Variants in ACER3 observed in about 807,000 individuals in gnomAD.
ACER3 encodes the protein alkaline ceramidase 3, also known as alkCDase 3.
A neutral mutation model predicts 48.9 loss-of-function variants in ACER3; 16 were observed. That is an observed-to-expected ratio of 0.33 (90% CI 0.22 to 0.50). The LOEUF (loss-of-function observed/expected upper bound fraction) is 0.50, where lower values mean the gene tolerates loss of function less well. Among genes scored for constraint, ACER3 ranks in the 20% least tolerant of loss-of-function variants. The pLI, the probability that ACER3 is intolerant of heterozygous loss-of-function variation, is 0.98. For missense variants in ACER3, 227 were observed against 326.0 expected, an observed-to-expected ratio of 0.70 and a Z score of 2.34; for synonymous variants, 109 against 107.8, an observed-to-expected ratio of 1.01 and a Z score of -0.07.
chr11:77,020,321 G>A lies in ACER3; in HGVS notation c.798G>A (p.Lys266=), dbSNP rs570075318. 11 of 1,613,402 alleles carry A rather than the reference G, an allele frequency of 6.8e-6. No individual in the cohort carries two copies. The South Asian group carries it at 9.9e-5, about 14-fold the overall frequency. ...WPVILFEPLR[K]H ...TGATCCTGTTTGAGCCTCTCAGGAA[G>A]CATTGATGAATCATTCCACCAAGAA... Residue 266 remains lysine, a synonymous_variant, in exon 11 of 11, where the codon AAG becomes AAA. Transcript: ENST00000532485.
intron 3 of ACER3, among the ~76,000 whole-genome samples, chr11:76,961,551 GA>G (rs140205342): frequency 5.8e-4 from 72 of 123,792 alleles, no homozygotes; most frequent in Admixed American, 6.6e-4. Flanking sequence ...GGCTGGGGCA[GA>G]AAAAAAAAAA....
intron 2 of ACER3, among the ~76,000 whole-genome samples, chr11:76,950,983 T>G (rs1412089425): frequency 6.6e-6 from 1 of 152,228 alleles, no homozygotes; most frequent in East Asian, 1.9e-4. Context: ...ATGTGCCTTA[T>G]ACTTGCACTT....
chr11:76,968,904 C>T (rs1948217492), intron 3 of ACER3, among the ~76,000 whole-genome samples: 1 of 152,202 alleles, frequency 6.6e-6, no homozygotes, highest in Admixed American at 6.5e-5. Flanking sequence ...ATGTCTAAAA[C>T]ACCAAAAGCA....
At chr11:76,931,088 G>A (rs1331242618) in intron 2 of ACER3, among the ~76,000 whole-genome samples, 2 of 141,700 alleles carry the variant, frequency 1.4e-5, no homozygotes, top group Non-Finnish European at 1.5e-5. Flanking sequence ...CATTATTATT[G>A]TGTGGGAGTC....
chr11:76,871,636 T>C (rs1945243078), intron 1 of ACER3, among the ~76,000 whole-genome samples: 1 of 152,228 alleles, frequency 6.6e-6, no homozygotes, highest in Non-Finnish European at 1.5e-5. Flanking sequence ...TGAAGTCTCA[T>C]TGATGGCTGC....
chr11:76,975,944 A>G (rs1483417410), intron 3 of ACER3, among the ~76,000 whole-genome samples: 1 of 140,748 alleles, frequency 7.1e-6, no homozygotes, highest in East Asian at 2.1e-4. Flanking sequence ...CAGTGGTGCA[A>G]TCATGGCTCA....
At position 76,998,646 on chromosome 11, in the gene ACER3, G is replaced by A. The variant is rs1026351061; in HGVS notation, c.439-117G>A. The A allele has an allele frequency of 5.4e-5, 36 of 661,504 alleles. No individual in the cohort carries two copies. The East Asian group carries it at 1.1e-3, about 21-fold the overall frequency. The allele number at this position is 661,504 out of a possible 1,614,324, so 41.0% of individuals were successfully genotyped here. ...TTTTTAACATTCTATTCTTTAAAAT[G>A]TAGTGAAGGATAATAAATATTTACA... On this transcript the variant is annotated intron_variant, in intron 6 of 10. Transcript: ENST00000532485.
At chr11:77,014,867 C>A in intron 7 of ACER3, 149 bp from the exon 8 acceptor site, 1 of 624,052 alleles carries the variant, frequency 1.6e-6, no homozygotes, top group Non-Finnish European at 2.8e-6. Flanking sequence ...GTACAATGAT[C>A]ACATCTGTGA....
intron 2 of ACER3, chr11:76,958,725 G>T (rs1377725552): frequency 2.0e-6 from 1 of 488,242 alleles, no homozygotes; most frequent in African/African-American, 2.0e-5. Context: ...ACATTTTACA[G>T]AAATAATGGA....
At chr11:76,912,392 C>T (rs1439027643) in intron 1 of ACER3, among the ~76,000 whole-genome samples, 1 of 152,050 alleles carries the variant, frequency 6.6e-6, no homozygotes, top group Non-Finnish European at 1.5e-5. Context: ...TTAAGCTACC[C>T]AGTTTGTGGT....
intron 6 of ACER3, chr11:76,994,286 C>T (rs1193574470): frequency 1.5e-5 from 6 of 401,868 alleles, no homozygotes; most frequent in Middle Eastern, 1.6e-3. Context: ...TGTACCATCA[C>T]GCCAGGCTAA....
At chr11:77,008,996 G>C (rs1382046747) in intron 7 of ACER3, among the ~76,000 whole-genome samples, 1 of 152,184 alleles carries the variant, frequency 6.6e-6, no homozygotes, top group African/African-American at 2.4e-5. Flanking sequence ...GGACACTGAG[G>C]CTGCATTGAG....
intron 1 of ACER3, among the ~76,000 whole-genome samples, chr11:76,897,080 C>A (rs1945952794): frequency 6.6e-6 from 1 of 152,128 alleles, no homozygotes; most frequent in Non-Finnish European, 1.5e-5. Flanking sequence ...GACTCAGCCA[C>A]CCGAGTAGCT....
chr11:76,939,078 T>C (rs1405674530), intron 2 of ACER3, among the ~76,000 whole-genome samples: 1 of 151,982 alleles, frequency 6.6e-6, no homozygotes, highest in Non-Finnish European at 1.5e-5. Flanking sequence ...TTTTAACATG[T>C]GGTATAAAAA....
At chr11:77,005,319 T>C (rs182500355) in intron 7 of ACER3, among the ~76,000 whole-genome samples, 209 of 152,282 alleles carry the variant, frequency 1.4e-3, no homozygotes, top group Non-Finnish European at 2.3e-3. Flanking sequence ...TTTCTCTTTG[T>C]ATTGCTTTTT....
intron 2 of ACER3, among the ~76,000 whole-genome samples, chr11:76,943,832 G>A (rs1437981408): frequency 1.3e-5 from 2 of 150,244 alleles, no homozygotes; most frequent in Non-Finnish European, 3.0e-5. Context: ...TGGGTGCTCT[G>A]ATGTTGGGTG....
chr11:76,888,446 G>A (rs1945726535), intron 1 of ACER3, among the ~76,000 whole-genome samples: 1 of 152,116 alleles, frequency 6.6e-6, no homozygotes, highest in African/African-American at 2.4e-5. Flanking sequence ...AGTTTCTGTG[G>A]GTTAGGAGTC....
intron 2 of ACER3, among the ~76,000 whole-genome samples, chr11:76,931,872 A>G (rs575810381): frequency 6.6e-6 from 1 of 151,772 alleles, no homozygotes; most frequent in Admixed American, 6.6e-5. Flanking sequence ...TGGGTAACCC[A>G]TCCTTTCTCT....
chr11:77,003,020 A>G, intron 7 of ACER3, among the ~76,000 whole-genome samples: 1 of 152,158 alleles, frequency 6.6e-6, no homozygotes, highest in East Asian at 1.9e-4. Context: ...GGAAGATAGA[A>G]AAAGTTCTGG....
Sources: gnomAD v4.1 joint callset for allele counts (sites outside exome capture counted in the v4.1 genomes callset) on GRCh38, gnomAD v4.1.1 for gene constraint, MANE v1.5 for transcripts, NCBI Gene and HGNC (gene_info 2026-07-23, HGNC 2026-07-21) for gene names.